Variants in FBXO3 observed in about 807,000 individuals in gnomAD.
FBXO3 encodes F-box only protein 3.
Under a neutral mutation model 64.8 loss-of-function variants are expected in FBXO3, and 17 were observed. The observed-to-expected ratio is 0.26, with a 90% CI of 0.18 to 0.39. FBXO3 has a LOEUF of 0.39. Ranked by LOEUF, FBXO3 falls within the 10% of genes least tolerant of loss-of-function variation. FBXO3 has a pLI of 1.00. For synonymous variants in FBXO3, 182 were observed against 201.6 expected, an observed-to-expected ratio of 0.90 and a Z score of 0.82; for missense variants, 420 against 589.9, an observed-to-expected ratio of 0.71 and a Z score of 2.98.
chr11:33,749,377 T>TTTTG (rs1554945195), intron 8 of FBXO3, among the ~76,000 whole-genome samples: 1 of 150,594 alleles, frequency 6.6e-6, no homozygotes, highest in African/African-American at 2.4e-5. Context: ...TTTTTTTTTT[T>TTTTG]GAGACAGGGT....
Position 33,754,439 on chromosome 11 carries a change from CTT to C in FBXO3, c.724+14_724+15del, listed in dbSNP as rs1378508020. ...GAAGAAGAAGAAGGGGGAAAAAAGA[CTT>C]TTTTCTTTCCTACCTATAATAAACA... On this transcript the variant is annotated intron_variant, in intron 6 of 10. Coordinates refer to ENST00000265651, the MANE Select transcript of FBXO3 (RefSeq NM_012175.4). 5.1e-6 allele frequency: 8 copies of C among 1,565,812 alleles called. No homozygotes were observed. The East Asian group carries it at 1.4e-4, about 27-fold the overall frequency.
At chr11:33,757,549 T>C (rs922847800) in intron 4 of FBXO3, among the ~76,000 whole-genome samples, 1 of 130,270 alleles carries the variant, frequency 7.7e-6, no homozygotes, top group African/African-American at 3.0e-5. Flanking sequence ...CCAGGCACAG[T>C]GGTATATGCT....
chr11:33,761,436 G>A (rs1294377289), intron 3 of FBXO3, among the ~76,000 whole-genome samples: 1 of 152,198 alleles, frequency 6.6e-6, no homozygotes, highest in African/African-American at 2.4e-5. Context: ...AACTTTATTA[G>A]AGCTAATGGA....
rs778099446 is a variant in FBXO3 at position 33,754,438 on chromosome 11, A to C, written c.724+17T>G. ...GGAAGAAGAAGAAGGGGGAAAAAAG[A>C]CTTTTTTCTTTCCTACCTATAATAA... On this transcript the variant is annotated intron_variant, in intron 6 of 10. Coordinates refer to ENST00000265651, the MANE Select transcript of FBXO3 (RefSeq NM_012175.4). 2 of 1,568,482 alleles carry C rather than the reference A, an allele frequency of 1.3e-6. No individual in the cohort carries two copies. The highest frequency in any genetic ancestry group is 1.7e-6 in the Non-Finnish European group (2 of 1,163,456).
intron 3 of FBXO3, among the ~76,000 whole-genome samples, chr11:33,762,799 T>C (rs911619296): frequency 6.8e-6 from 1 of 146,984 alleles, no homozygotes; most frequent in Non-Finnish European, 1.5e-5. Flanking sequence ...AAAACAAACA[T>C]ACAGTAAAGG....
rs563104035 is a variant in FBXO3, at chr11:33,768,669, A to C, written c.358+182T>G. On this transcript the variant is annotated intron_variant, in intron 3 of 10. Transcript: ENST00000265651. ...AATAACCATGTGGGTCCCAAGGATG[A>C]GAAAAAACAGGGTAAGCACTAGAGT... The C allele has an allele frequency of 1.6e-5, 10 of 619,866 alleles. No individual in the cohort carries two copies. The African/African-American group carries it at 1.6e-4, about 10-fold the overall frequency. 38.4% of individuals were successfully genotyped at this position (619,866 alleles called of 1,614,324 possible).
Position 33,741,820 on chromosome 11 carries a change from T to C in FBXO3, c.*88A>G. 7.6e-7 allele frequency: 1 copy of C among 1,313,380 alleles called. No homozygotes were observed. The highest frequency in any genetic ancestry group is 2.6e-5 in the East Asian group (1 of 38,400). The allele number at this position is 1,313,380 out of a possible 1,614,324, so 81.4% of individuals were successfully genotyped here. A position where few individuals can be genotyped will look rare whatever the true frequency, so the allele number is the denominator to read the frequency against. ...ATTTCATGCTAGTTTTCCTGCTATA[T>C]GCAGAGAACAATTTAGTTATTTACA... On this transcript the variant is annotated 3_prime_UTR_variant, in exon 11 of 11. Coordinates refer to ENST00000265651, the MANE Select transcript of FBXO3 (RefSeq NM_012175.4).
intron 10 of FBXO3, chr11:33,746,035 C>T (rs924116949): frequency 6.6e-6 from 1 of 151,974 alleles, no homozygotes; most frequent in Non-Finnish European, 1.5e-5. Context: ...TGGACAAATT[C>T]CTTGAAAGGC....
At position 33,751,608 on chromosome 11, in the gene FBXO3, C is replaced by A; in HGVS notation, c.725-1G>T. On this transcript the variant is annotated splice_acceptor_variant, in intron 6 of 10. Coordinates refer to ENST00000265651, the MANE Select transcript of FBXO3 (RefSeq NM_012175.4). LOFTEE classifies it high-confidence loss of function. ...GTAAACCAGTCAGTAAAAGTAGCAC[C>A]TATAAAGCAGGAAAGGGAGAAAAAA... 1 of 1,571,694 alleles carries A rather than the reference C, an allele frequency of 6.4e-7. No individual in the cohort carries two copies. Among genetic ancestry groups the A allele is most frequent in the South Asian group, 1.2e-5 (1 of 85,502 alleles).
intron 3 of FBXO3, among the ~76,000 whole-genome samples, chr11:33,764,051 C>A (rs1855308317): frequency 6.6e-6 from 1 of 152,230 alleles, no homozygotes; most frequent in African/African-American, 2.4e-5. Context: ...TAGAAATATA[C>A]TCATAGAGAC....
At position 33,774,224 on chromosome 11, in the gene FBXO3, C is replaced by A. The variant is rs79586861; in HGVS notation, c.104+170G>T. 13,783 of 597,980 alleles carry A rather than the reference C, an allele frequency of 0.023. 1,050 individuals carry two copies. The highest frequency in any genetic ancestry group is 0.2 in the African/African-American group (9,876 of 50,612). The allele number at this position is 597,980 out of a possible 1,614,324, so 37.0% of individuals were successfully genotyped here. On this transcript the variant is annotated intron_variant, in intron 1 of 10. Coordinates refer to ENST00000265651, the MANE Select transcript of FBXO3 (RefSeq NM_012175.4). ...AGACTCAGGGCGAGGCCCTTTCCGC[C>A]CCCGTCTCGCCCCGGTCCCCGGTGG...
At position 33,741,744 on chromosome 11, in the gene FBXO3, A is replaced by C. The variant is rs1854690804; in HGVS notation, c.*164T>G. 1 of 588,494 alleles carries C rather than the reference A, an allele frequency of 1.7e-6. No individual in the cohort carries two copies. 36.5% of individuals were successfully genotyped at this position (588,494 alleles called of 1,614,324 possible). On this transcript the variant is annotated 3_prime_UTR_variant, in exon 11 of 11. Coordinates refer to ENST00000265651, the MANE Select transcript of FBXO3 (RefSeq NM_012175.4). ...CCTCAAAAACACAAAGCAAACCCAA[A>C]CAATCCAATTCCTAATGTAGTGTCA...
chr11:33,773,639 A>T (rs1056312247), intron 1 of FBXO3: 1 of 152,296 alleles, frequency 6.6e-6, no homozygotes, highest in African/African-American at 2.4e-5. Flanking sequence ...ACCACCCCAG[A>T]CAGTCCCAAG....
At chr11:33,754,407 T>C in intron 6 of FBXO3, 48 bp downstream of exon 6, 1 of 1,470,986 alleles carries the variant, frequency 6.8e-7, no homozygotes, top group East Asian at 2.4e-5. Flanking sequence ...TTTTTTATTA[T>C]ATCCAGGAAG....
chr11:33,769,965 C>T (rs536277853), intron 2 of FBXO3, among the ~76,000 whole-genome samples: 28 of 148,346 alleles, frequency 1.9e-4, no homozygotes, highest in Admixed American at 1.5e-3. Flanking sequence ...AAAGAACTTA[C>T]GATGAAAAAC....
intron 3 of FBXO3, among the ~76,000 whole-genome samples, chr11:33,760,543 A>T (rs1390437940): frequency 6.6e-6 from 1 of 151,768 alleles, no homozygotes; most frequent in Admixed American, 6.6e-5. Flanking sequence ...TACTCGGGAG[A>T]CTGAGCTGGA....
rs77475199 is a variant in FBXO3 at position 33,764,206 on chromosome 11, C to G, written c.358+4645G>C. ...GCCAAAATGAACAAACTCTGTTACA[C>G]TCAAAAAGATTGAATCTCACAAAGT... is the stretch of plus-strand genomic sequence containing the variant. On this transcript the variant is annotated intron_variant, in intron 3 of 10. Transcript: ENST00000265651. 2.6e-4 allele frequency among the ~76,000 whole-genome samples: 40 copies of G among 152,276 alleles called. No homozygotes were observed. In the East Asian group the frequency reaches 6.9e-3, roughly 26 times the overall value.
At chr11:33,762,602 A>C (rs1009980634) in intron 3 of FBXO3, among the ~76,000 whole-genome samples, 1 of 152,118 alleles carries the variant, frequency 6.6e-6, no homozygotes, top group Non-Finnish European at 1.5e-5. Context: ...CATGGTAATG[A>C]AAATACAATG....
At chr11:33,762,996 T>A (rs1855279923) in intron 3 of FBXO3, among the ~76,000 whole-genome samples, 3 of 152,102 alleles carry the variant, frequency 2.0e-5, no homozygotes, top group Admixed American at 2.0e-4. Context: ...TTCATGTCAA[T>A]AGATTTGAAA....
Sources: gnomAD v4.1 joint callset for allele counts (sites outside exome capture counted in the v4.1 genomes callset) on GRCh38, gnomAD v4.1.1 for gene constraint, MANE v1.5 for transcripts, NCBI Gene and HGNC (gene_info 2026-07-23, HGNC 2026-07-21) for gene names.